Variants in MDGA2 observed in about 807,000 individuals in gnomAD.
MDGA2 encodes the protein MAM domain-containing glycosylphosphatidylinositol anchor protein 2.
MDGA2 carries 40 observed loss-of-function variants against 117.8 expected under a neutral mutation model. The observed-to-expected ratio is 0.34, with a 90% CI of 0.26 to 0.44. MDGA2 has a LOEUF of 0.44. Among genes scored for constraint, MDGA2 ranks in the 20% least tolerant of loss-of-function variants. The pLI, the probability that MDGA2 is intolerant of heterozygous loss-of-function variation, is 1.00. For synonymous variants in MDGA2, 452 were observed against 439.0 expected (o/e 1.03, Z -0.37); for missense variants, 1,123 against 1,250.6 (o/e 0.90, Z 1.54).
chr14:47,388,954 G>A (rs963177829), intron 1 of MDGA2, among the ~76,000 whole-genome samples: 3 of 152,132 alleles, frequency 2.0e-5, no homozygotes, highest in Non-Finnish European at 4.4e-5. Context: ...ACTAAAGGTC[G>A]TATTTTACCT....
chr14:47,293,599 C>T (rs777781601), intron 2 of MDGA2, among the ~76,000 whole-genome samples: 14 of 152,094 alleles, frequency 9.2e-5, no homozygotes, highest in Admixed American at 1.3e-4. Context: ...TTAGTATCAA[C>T]GACTCAATCA....
intron 1 of MDGA2, among the ~76,000 whole-genome samples, chr14:47,463,743 T>A (rs778256707): frequency 6.6e-6 from 1 of 152,310 alleles, no homozygotes; most frequent in Admixed American, 6.5e-5. Flanking sequence ...TCACCAGTTA[T>A]GTGTCAAACA....
At chr14:47,549,955 G>A (rs1895549001) in intron 1 of MDGA2, among the ~76,000 whole-genome samples, 1 of 152,156 alleles carries the variant, frequency 6.6e-6, no homozygotes, top group Admixed American at 6.6e-5. Context: ...TTAATCTGTG[G>A]TATTTTGTTA....
intron 1 of MDGA2, among the ~76,000 whole-genome samples, chr14:47,438,451 C>T (rs1027867039): frequency 2.0e-5 from 3 of 152,124 alleles, no homozygotes; most frequent in African/African-American, 7.2e-5. Context: ...GGTTTACATA[C>T]GTGAGAAATG....
At chr14:47,194,428 G>GAT (rs1050312279) in intron 3 of MDGA2, among the ~76,000 whole-genome samples, 92 of 151,798 alleles carry the variant, frequency 6.1e-4, no homozygotes, top group African/African-American at 2.0e-3. Context: ...CACCCATTTT[G>GAT]ATATATATAT....
At chr14:47,411,108 A>C (rs1285794146) in intron 1 of MDGA2, among the ~76,000 whole-genome samples, 1 of 152,186 alleles carries the variant, frequency 6.6e-6, no homozygotes, top group Non-Finnish European at 1.5e-5. Context: ...GGAAAAGTAT[A>C]TCTCTTCTGC....
chr14:47,464,142 CACAG>C (rs1376307549), intron 1 of MDGA2, among the ~76,000 whole-genome samples: 143 of 144,334 alleles, frequency 9.9e-4, no homozygotes, highest in Non-Finnish European at 1.3e-3. Flanking sequence ...CACACACACA[CACAG>C]AGCCTCTGTT....
chr14:47,030,490 G>A (rs1434714473), intron 8 of MDGA2, among the ~76,000 whole-genome samples: 1 of 151,652 alleles, frequency 6.6e-6, no homozygotes, highest in Non-Finnish European at 1.5e-5. Flanking sequence ...CCCCAGCCTG[G>A]GCAACAAGAA....
At chr14:47,383,436 G>A (rs1001787438) in intron 1 of MDGA2, among the ~76,000 whole-genome samples, 2 of 152,206 alleles carry the variant, frequency 1.3e-5, no homozygotes, top group South Asian at 4.2e-4. Context: ...AATCACTACT[G>A]TATGTAATAT....
At chr14:47,355,321 T>C (rs1017078403) in intron 1 of MDGA2, among the ~76,000 whole-genome samples, 3 of 152,132 alleles carry the variant, frequency 2.0e-5, no homozygotes, top group Admixed American at 2.0e-4. Flanking sequence ...GTGCATTCGC[T>C]AACGCTGGAA....
chr14:47,628,061 G>T (rs549268377), intron 1 of MDGA2, among the ~76,000 whole-genome samples: 31 of 152,234 alleles, frequency 2.0e-4, no homozygotes, highest in African/African-American at 6.7e-4. Context: ...TTGGGGTTTT[G>T]GTGGGGTAGG....
intron 1 of MDGA2, among the ~76,000 whole-genome samples, chr14:47,430,264 A>G (rs1418466241): frequency 1.3e-5 from 2 of 152,098 alleles, no homozygotes; most frequent in African/African-American, 4.8e-5. Flanking sequence ...TAAAGCCACT[A>G]AAACAGGCTG....
At chr14:46,980,990 T>C (rs1886647883) in intron 8 of MDGA2, among the ~76,000 whole-genome samples, 1 of 152,316 alleles carries the variant, frequency 6.6e-6, no homozygotes, top group African/African-American at 2.4e-5. Flanking sequence ...GTGTTTCAAA[T>C]TCTGACTTTT....
chr14:47,463,189 T>C (rs1893527824), intron 1 of MDGA2, among the ~76,000 whole-genome samples: 2 of 152,232 alleles, frequency 1.3e-5, no homozygotes, highest in Admixed American at 6.5e-5. Context: ...ATATCTCAAA[T>C]TAAATTTTTA....
At chr14:47,055,009 T>C (rs971425414) in intron 7 of MDGA2, among the ~76,000 whole-genome samples, 1 of 147,316 alleles carries the variant, frequency 6.8e-6, no homozygotes, top group Non-Finnish European at 1.5e-5. Context: ...TTTCTTTTTT[T>C]TTTTTTTTTT....
chr14:46,978,271 G>T (rs1305989623), intron 8 of MDGA2, among the ~76,000 whole-genome samples: 1 of 151,724 alleles, frequency 6.6e-6, no homozygotes, highest in Non-Finnish European at 1.5e-5. Flanking sequence ...AAATATGTTA[G>T]GAACCATTCA....
At chr14:47,143,994 T>C in intron 4 of MDGA2, 84 bp downstream of exon 4, 2 of 1,042,088 alleles carry the variant, frequency 1.9e-6, no homozygotes, top group Non-Finnish European at 2.6e-6. Context: ...AAACTATCTT[T>C]TCAAATAGCT....
intron 3 of MDGA2, among the ~76,000 whole-genome samples, chr14:47,162,814 T>C (rs1029072386): frequency 9.9e-5 from 15 of 151,758 alleles, no homozygotes; most frequent in African/African-American, 3.6e-4. Flanking sequence ...CCTAGGCCAC[T>C]AATTTGATCC....
chr14:47,590,226 A>G (rs1172548193), intron 1 of MDGA2, among the ~76,000 whole-genome samples: 3 of 151,956 alleles, frequency 2.0e-5, no homozygotes, highest in Non-Finnish European at 4.4e-5. Flanking sequence ...CCTACAGTAT[A>G]ATGTTAACCA....
Sources: allele counts gnomAD v4.1 joint callset (sites outside exome capture counted in the v4.1 genomes callset), GRCh38; gene constraint gnomAD v4.1.1; transcripts MANE v1.5; gene names NCBI Gene and HGNC (gene_info 2026-07-23, HGNC 2026-07-21).